MEP1B: variants seen among roughly 807,000 people sequenced by gnomAD.
MEP1B encodes N-benzoyl-L-tyrosyl-P-amino-benzoic acid hydrolase subunit beta.
MEP1B carries 80 observed loss-of-function variants against 84.6 expected under a neutral mutation model. The ratio of observed to expected loss-of-function variants is 0.95; its 90% CI spans 0.79 to 1.14. MEP1B has a LOEUF of 1.14. MEP1B is among the 50% of genes most tolerant of loss of function. MEP1B has a pLI of 0.00. For missense variants in MEP1B, 766 were observed against 855.1 expected (o/e 0.90, Z 1.30); for synonymous variants, 273 against 288.1 (o/e 0.95, Z 0.53).
At position 32,191,742 on chromosome 18, in the gene MEP1B, T is replaced by A. The variant is rs2040803464; in HGVS notation, c.64-80T>A. 7 of 844,582 alleles carry A rather than the reference T, an allele frequency of 8.3e-6. No individual in the cohort carries two copies. In the East Asian group the frequency reaches 1.9e-4, roughly 23 times the overall value. The allele number at this position is 844,582 out of a possible 1,614,324, so 52.3% of individuals were successfully genotyped here. On this transcript the variant is annotated intron_variant, in intron 1 of 14. Coordinates refer to ENST00000269202, the MANE Select transcript of MEP1B (RefSeq NM_005925.3). ...AATGACAAAACAAACAAACAACAAATGGTTAGATATAAACTGAATCCAAGA... is the reference window on the plus strand; with the variant it reads ...AATGACAAAACAAACAAACAACAAAAGGTTAGATATAAACTGAATCCAAGA...
In MEP1B at chr18:32,213,499, G is replaced by T. The variant is rs1281298255; in HGVS notation, c.1519G>T (p.Asp507Tyr). The T allele has an allele frequency of 6.2e-7, 1 of 1,613,932 alleles. No individual in the cohort carries two copies. The highest frequency in any genetic ancestry group is 2.2e-5 in the East Asian group (1 of 44,874). Residue 507 changes from aspartate (D) to tyrosine (Y), a missense_variant, in exon 11 of 15, where the codon GAC becomes TAC. Transcript: ENST00000269202. ...AATGACACTTTTGGATCAAAATCCT[G>T]ACATTCGACAGCGTATGTCCAATCA... ...ATMTLLDQNP[D>Y]IRQRMSNQRS...
intron 6 of MEP1B, 50 bp from the exon 7 acceptor site, chr18:32,204,132 C>A: frequency 6.5e-7 from 1 of 1,528,610 alleles, no homozygotes; most frequent in Non-Finnish European, 8.9e-7. Flanking sequence ...TGCCCTGAGA[C>A]CTCAGATTGT....
chr18:32,201,187 TG>T (rs2040907619), intron 5 of MEP1B, among the ~76,000 whole-genome samples: 1 of 152,164 alleles, frequency 6.6e-6, no homozygotes, highest in Non-Finnish European at 1.5e-5. Flanking sequence ...AACAGTGATA[TG>T]GTGGTCAGTA....
Position 32,213,480 on chromosome 18 carries a change from AC to A in MEP1B, c.1501del (p.Leu501PhefsTer18). On this transcript the variant is annotated frameshift_variant, in exon 11 of 15. Transcript: ENST00000269202. LOFTEE classifies it high-confidence loss of function. Reference sequence around the variant, plus strand: ...GTCCTTGGCAACAAGCCACAATGACACTTTTGGATCAAAATCCTGACATTCG... The same window carrying A: ...GTCCTTGGCAACAAGCCACAATGACATTTTGGATCAAAATCCTGACATTCG... ...PCPWQQATMT[L>X]LDQNPDIRQR... The A allele has an allele frequency of 6.2e-7, 1 of 1,613,994 alleles. No individual in the cohort carries two copies. The highest frequency in any genetic ancestry group is 8.5e-7 in the Non-Finnish European group (1 of 1,179,876).
chr18:32,195,991 CACTG>C (rs941080710), intron 5 of MEP1B: 1 of 337,866 alleles, frequency 3.0e-6, no homozygotes, highest in East Asian at 7.7e-5. Flanking sequence ...TGAGTGAGGC[CACTG>C]ACTGACTGTC....
intron 10 of MEP1B, among the ~76,000 whole-genome samples, chr18:32,211,803 T>A (rs1011113350): frequency 7.2e-5 from 11 of 152,056 alleles, no homozygotes; most frequent in Non-Finnish European, 1.6e-4. Context: ...CCTAATCATC[T>A]CATGACTTGA....
intron 14 of MEP1B, among the ~76,000 whole-genome samples, chr18:32,218,223 CT>C (rs1214175267): frequency 6.6e-6 from 1 of 151,860 alleles, no homozygotes; most frequent in Non-Finnish European, 1.5e-5. Flanking sequence ...GGTTTTTTTC[CT>C]GGAGTGTGGG....
intron 6 of MEP1B, 95 bp from the exon 7 acceptor site, chr18:32,204,087 A>G (rs1201247443): frequency 1.0e-6 from 1 of 992,850 alleles, no homozygotes; most frequent in African/African-American, 1.6e-5. Context: ...TGGGTAATGA[A>G]GTGGGTAATG....
intron 2 of MEP1B, 103 bp downstream of exon 2, chr18:32,191,943 A>G (rs537309420): frequency 4.3e-6 from 3 of 705,196 alleles, no homozygotes; most frequent in Admixed American, 5.7e-5. Flanking sequence ...GCATAATTGC[A>G]TTGAACTTTG....
In MEP1B at chr18:32,210,715, A is replaced by G. The variant is rs2041017622; in HGVS notation, c.1134A>G (p.Lys378=). 1 of 1,610,724 alleles carries G rather than the reference A, an allele frequency of 6.2e-7. No homozygotes were observed. Among genetic ancestry groups the G allele is most frequent in the Admixed American group, 1.7e-5 (1 of 60,006 alleles). ...DGNLTLVEEI[K]EIPTGSWQLY... ...ATTTAACCCTTGTGGAAGAAATAAA[A>G]GGTACAATGTCAACATCCTTATTGT... Residue 378 remains lysine (K), a splice_region_variant and synonymous_variant, in exon 10 of 15, where the codon AAA becomes AAG. Coordinates refer to ENST00000269202, the MANE Select transcript of MEP1B (RefSeq NM_005925.3).
intron 5 of MEP1B, among the ~76,000 whole-genome samples, chr18:32,199,365 A>C (rs2144390502): frequency 6.6e-6 from 1 of 152,232 alleles, no homozygotes; most frequent in South Asian, 2.1e-4. Flanking sequence ...CGAGAATGAA[A>C]CTCAGTGCCA....
chr18:32,195,531 C>A, intron 5 of MEP1B, 46 bp downstream of exon 5: 2 of 1,259,530 alleles, frequency 1.6e-6, no homozygotes, highest in Non-Finnish European at 2.3e-6. Context: ...CTATTTCTGA[C>A]AAAATATGAT....
At chr18:32,219,996 T>C (rs2041133951) in intron 14 of MEP1B, among the ~76,000 whole-genome samples, 1 of 152,166 alleles carries the variant, frequency 6.6e-6, no homozygotes, top group Non-Finnish European at 1.5e-5. Flanking sequence ...ATGACCTTTT[T>C]TTCTGAGGCG....
chr18:32,210,806 G>A (rs1382010853), intron 10 of MEP1B, 90 bp downstream of exon 10: 1 of 1,025,604 alleles, frequency 9.8e-7, no homozygotes, highest in African/African-American at 1.6e-5. Context: ...CAATAGGGCA[G>A]GGGCTACTGA....
chr18:32,211,978 AC>A (rs1381725650), intron 10 of MEP1B, among the ~76,000 whole-genome samples: 1 of 150,780 alleles, frequency 6.6e-6, no homozygotes, highest in Non-Finnish European at 1.5e-5. Flanking sequence ...CTAAGCATAT[AC>A]ACACATTATA....
intron 8 of MEP1B, 62 bp downstream of exon 8, chr18:32,207,532 G>C: frequency 8.5e-7 from 1 of 1,172,838 alleles, no homozygotes; most frequent in Non-Finnish European, 1.2e-6. Flanking sequence ...AAAAATGATG[G>C]TCTGTGCCAT....
intron 7 of MEP1B, among the ~76,000 whole-genome samples, chr18:32,204,589 G>C (rs1387364545): frequency 6.6e-6 from 1 of 152,102 alleles, no homozygotes; most frequent in Non-Finnish European, 1.5e-5. Flanking sequence ...AGCATATTCA[G>C]TCCCACAATA....
intron 5 of MEP1B, among the ~76,000 whole-genome samples, chr18:32,197,405 G>GTTTTTT (rs34303503): frequency 1.4e-5 from 2 of 142,162 alleles, no homozygotes; most frequent in Non-Finnish European, 3.0e-5. Flanking sequence ...TTTCATTTTT[G>GTTTTTT]TTTTTTTTTT....
rs191066237 is a variant in MEP1B, at chr18:32,216,159, C to A, written c.1760-832C>A. On this transcript the variant is annotated intron_variant, in intron 12 of 14. Coordinates refer to ENST00000269202, the MANE Select transcript of MEP1B (RefSeq NM_005925.3). ...ATTTTAACTCATTTTCTATTAAAGA[C>A]CCACTTGGATCTCAGTAAATCAGAT... Among the ~76,000 whole-genome samples the A allele has an allele frequency of 2.6e-5, 4 of 152,086 alleles. No individual in the cohort carries two copies. The East Asian group carries it at 7.7e-4, about 29-fold the overall frequency.
Sources: gnomAD v4.1 joint callset for allele counts (sites outside exome capture counted in the v4.1 genomes callset) on GRCh38, gnomAD v4.1.1 for gene constraint, MANE v1.5 for transcripts, NCBI Gene and HGNC (gene_info 2026-07-23, HGNC 2026-07-21) for gene names.